The following RPS6KA5 variants were observed in gnomAD, a reference collection of about 807,000 sequenced individuals.
RPS6KA5 encodes ribosomal protein S6 kinase A5, also known as ribosomal protein S6 kinase alpha-5.
A neutral mutation model predicts 85.5 loss-of-function variants in RPS6KA5; 27 were observed. The observed-to-expected ratio is 0.32, with a 90% CI of 0.23 to 0.44. The LOEUF (loss-of-function observed/expected upper bound fraction) is 0.44, where lower values mean the gene tolerates loss of function less well. Among genes scored for constraint, RPS6KA5 ranks in the 20% least tolerant of loss-of-function variants. The probability of loss-of-function intolerance (pLI) is 1.00; values close to 1 mark genes in which losing one functional copy is unlikely to be tolerated. For synonymous variants in RPS6KA5, 334 were observed against 348.2 expected, an observed-to-expected ratio of 0.96 and a Z score of 0.46; for missense variants, 811 against 980.9, an observed-to-expected ratio of 0.83 and a Z score of 2.31.
Position 90,863,323 on chromosome 14 carries a change from A to G in RPS6KA5, c.*8751T>C, listed in dbSNP as rs1232736743. 8 of 147,452 alleles carry G rather than the reference A, an allele frequency of 5.4e-5. No individual in the cohort carries two copies. Among genetic ancestry groups the G allele is most frequent in the African/African-American group, 1.7e-4 (7 of 40,746 alleles). The allele number at this position is 147,452 out of a possible 1,614,324, so 9.1% of individuals were successfully genotyped here. On this transcript the variant is annotated 3_prime_UTR_variant, in exon 17 of 17. Coordinates refer to ENST00000614987, the MANE Select transcript of RPS6KA5 (RefSeq NM_004755.4). ...GTCTCAAAAAAAAAAAAAAAAAAAA[A>G]AAAAAAAGAAAAGAAAAGAAAAAAA...
At chr14:90,986,451 TA>T (rs113517523) in intron 2 of RPS6KA5, among the ~76,000 whole-genome samples, 31,564 of 144,614 alleles carry the variant, frequency 0.22, 3,455 homozygotes, top group East Asian at 0.33. Context: ...AGCATCTTAC[TA>T]AAAAAAAAAA....
Position 91,028,523 on chromosome 14 carries a change from A to AT in RPS6KA5, c.104-27365dup, listed in dbSNP as rs34122342. ...GAGCCACCATGCCCAGCCTTAAATG[A>AT]TTTTTTTTTTTTTGAGACAAAGTCT... On this transcript the variant is annotated intron_variant, in intron 1 of 16. Transcript: ENST00000614987. Among the ~76,000 whole-genome samples, 774 of 144,370 alleles carry AT rather than the reference A, an allele frequency of 5.4e-3. 8 individuals carry two copies. The highest frequency in any genetic ancestry group is 0.016 in the African/African-American group (620 of 39,440). 94.7% of individuals were successfully genotyped at this position (144,370 alleles called of 152,430 possible).
At chr14:90,876,002 T>A (rs900736591) in intron 14 of RPS6KA5, among the ~76,000 whole-genome samples, 1 of 151,542 alleles carries the variant, frequency 6.6e-6, no homozygotes, top group Non-Finnish European at 1.5e-5. Context: ...TGTATACATA[T>A]GTAAAAAACC....
intron 3 of RPS6KA5, among the ~76,000 whole-genome samples, 157 bp from the exon 4 acceptor site, chr14:90,947,707 C>G (rs1423929867): frequency 6.6e-6 from 1 of 152,134 alleles, no homozygotes; most frequent in African/African-American, 2.4e-5. Context: ...GTTCTAGATT[C>G]AGATAGCAAT....
chr14:90,910,744 G>A (rs950167804), intron 7 of RPS6KA5, among the ~76,000 whole-genome samples: 1 of 150,024 alleles, frequency 6.7e-6, no homozygotes, highest in Non-Finnish European at 1.5e-5. Flanking sequence ...GGAGTGCAAT[G>A]GCGCGATCTC....
At chr14:90,900,312 A>G (rs988411160) in intron 10 of RPS6KA5, 71 bp from the exon 11 acceptor site, 20 of 1,139,598 alleles carry the variant, frequency 1.8e-5, no homozygotes, top group Non-Finnish European at 2.3e-5. Context: ...AAAATTGTAG[A>G]GTAAAATAAA....
intron 1 of RPS6KA5, among the ~76,000 whole-genome samples, chr14:91,039,539 T>C (rs2042524902): frequency 6.6e-6 from 1 of 152,202 alleles, no homozygotes; most frequent in Non-Finnish European, 1.5e-5. Context: ...CTCCATTAGT[T>C]GAAGGTTGCC....
intron 5 of RPS6KA5, among the ~76,000 whole-genome samples, chr14:90,932,467 T>C (rs2037037255): frequency 6.6e-6 from 1 of 152,142 alleles, no homozygotes; most frequent in Non-Finnish European, 1.5e-5. Flanking sequence ...GAATCTCACA[T>C]GGGTCTTAAT....
chr14:90,927,065 G>A (rs1025556914), intron 5 of RPS6KA5, among the ~76,000 whole-genome samples: 3 of 152,054 alleles, frequency 2.0e-5, no homozygotes, highest in African/African-American at 7.2e-5. Context: ...GCATTCTAAC[G>A]TTCTTGTAGT....
chr14:90,987,527 A>T (rs1156538686), intron 2 of RPS6KA5, among the ~76,000 whole-genome samples: 1 of 152,226 alleles, frequency 6.6e-6, no homozygotes, highest in Non-Finnish European at 1.5e-5. Context: ...CTATCTTATC[A>T]GGAATATTCA....
At chr14:90,891,169 A>G (rs2034531731) in intron 13 of RPS6KA5, among the ~76,000 whole-genome samples, 1 of 151,654 alleles carries the variant, frequency 6.6e-6, no homozygotes, top group African/African-American at 2.4e-5. Context: ...CTATGTGTCT[A>G]CCTTATTTTT....
chr14:90,976,107 C>T (rs2039554260), intron 3 of RPS6KA5, among the ~76,000 whole-genome samples: 1 of 150,044 alleles, frequency 6.7e-6, no homozygotes, highest in African/African-American at 2.5e-5. Context: ...AAATATTTCA[C>T]TCTTATCTAT....
At chr14:90,939,128 T>C (rs2037437964) in intron 5 of RPS6KA5, among the ~76,000 whole-genome samples, 1 of 152,198 alleles carries the variant, frequency 6.6e-6, no homozygotes, top group Non-Finnish European at 1.5e-5. Flanking sequence ...AAATCACCTC[T>C]CTCAAGTTCA....
intron 14 of RPS6KA5, among the ~76,000 whole-genome samples, chr14:90,886,056 G>A (rs1031422513): frequency 6.6e-6 from 1 of 151,716 alleles, no homozygotes; most frequent in Non-Finnish European, 1.5e-5. Context: ...CTGTAGCAAG[G>A]TATAGCTCTA....
intron 15 of RPS6KA5, among the ~76,000 whole-genome samples, 189 bp downstream of exon 15, chr14:90,875,012 G>A (rs2033359002): frequency 6.6e-6 from 1 of 152,166 alleles, no homozygotes; most frequent in Non-Finnish European, 1.5e-5. Context: ...GCTCATGTTA[G>A]AAATGTGGAT....
At chr14:91,016,013 G>A (rs532715682) in intron 1 of RPS6KA5, among the ~76,000 whole-genome samples, 4 of 152,308 alleles carry the variant, frequency 2.6e-5, no homozygotes, top group East Asian at 1.9e-4. Context: ...GTCCAGGGGT[G>A]CTGTGGTGGG....
At chr14:90,917,639 A>G (rs1414608976) in intron 7 of RPS6KA5, among the ~76,000 whole-genome samples, 2 of 152,166 alleles carry the variant, frequency 1.3e-5, no homozygotes, top group Non-Finnish European at 2.9e-5. Context: ...CAGAAATGGA[A>G]TCATATGGTA....
At chr14:91,043,938 C>A (rs1311027687) in intron 1 of RPS6KA5, among the ~76,000 whole-genome samples, 2 of 152,100 alleles carry the variant, frequency 1.3e-5, no homozygotes, top group Non-Finnish European at 2.9e-5. Context: ...AGAAAATTAT[C>A]CAAGTAGGCA....
chr14:90,948,284 T>G (rs2037978625), intron 3 of RPS6KA5, among the ~76,000 whole-genome samples: 1 of 152,246 alleles, frequency 6.6e-6, no homozygotes, highest in African/African-American at 2.4e-5. Context: ...CAGAACTTAT[T>G]TATCATTCAT....
Sources: allele counts gnomAD v4.1 joint callset (sites outside exome capture counted in the v4.1 genomes callset), GRCh38; gene constraint gnomAD v4.1.1; transcripts MANE v1.5; gene names NCBI Gene and HGNC (gene_info 2026-07-23, HGNC 2026-07-21).